Variants in LGR4 observed in about 807,000 individuals in gnomAD.
LGR4 encodes leucine rich repeat containing G protein-coupled receptor 4.
A neutral mutation model predicts 84.8 loss-of-function variants in LGR4; 44 were observed. The observed-to-expected ratio is 0.52, with a 90% CI of 0.41 to 0.67. The LOEUF (loss-of-function observed/expected upper bound fraction) is 0.67. LGR4 is among the 30% of genes least tolerant of loss of function. The pLI, the probability that LGR4 is intolerant of heterozygous loss-of-function variation, is 0.00. For missense variants in LGR4, 1,032 were observed against 1,131.4 expected (o/e 0.91, Z 1.26); for synonymous variants, 429 against 434.3 (o/e 0.99, Z 0.15).
chr11:27,431,850 C>T (rs559757860), intron 1 of LGR4, among the ~76,000 whole-genome samples: 2 of 152,308 alleles, frequency 1.3e-5, no homozygotes, highest in South Asian at 2.1e-4. Flanking sequence ...GTATTAGCTG[C>T]GTGATCTTCC....
intron 2 of LGR4, among the ~76,000 whole-genome samples, chr11:27,404,795 TC>T (rs11345289): frequency 0.44 from 66,480 of 151,912 alleles, 17,415 homozygotes; most frequent in African/African-American, 0.75. Flanking sequence ...AAGGTGTATT[TC>T]CCCACTCTAT....
In LGR4 at chr11:27,406,524, A is replaced by C. The variant is rs1205564499; in HGVS notation, c.257+6265T>G. ...AGAGTTTTATGAGTTAAAATAAAAC[A>C]AAACAATGTTTTCTAGAAGGGCCTA... On this transcript the variant is annotated intron_variant, in intron 2 of 17. Transcript: ENST00000379214. Among the ~76,000 whole-genome samples the C allele has an allele frequency of 2.6e-5, 4 of 152,180 alleles. No homozygotes were observed. The East Asian group carries it at 7.7e-4, about 29-fold the overall frequency.
chr11:27,366,318 A>G lies in LGR4; in HGVS notation c.*1549T>C, dbSNP rs938119552. Reference sequence around the variant, plus strand: ...TTTTATTACACTGACAATGTACAACAAAGACTATTTACAATGCAAAAAGTA... The same window carrying G: ...TTTTATTACACTGACAATGTACAACGAAGACTATTTACAATGCAAAAAGTA... On this transcript the variant is annotated 3_prime_UTR_variant, in exon 18 of 18. Coordinates refer to ENST00000379214, the MANE Select transcript of LGR4 (RefSeq NM_018490.5). The G allele has an allele frequency of 1.3e-5, 2 of 152,582 alleles. No homozygotes were observed. The highest frequency in any genetic ancestry group is 2.9e-5 in the Non-Finnish European group (2 of 67,976). The allele number at this position is 152,582 out of a possible 1,614,324, so 9.5% of individuals were successfully genotyped here.
chr11:27,401,570 C>T (rs1334211152), intron 2 of LGR4, among the ~76,000 whole-genome samples: 1 of 152,124 alleles, frequency 6.6e-6, no homozygotes, highest in African/African-American at 2.4e-5. Flanking sequence ...TGAGTTTTTA[C>T]TACAGGCTAA....
chr11:27,411,771 A>G (rs570840891), intron 2 of LGR4, among the ~76,000 whole-genome samples: 2 of 152,256 alleles, frequency 1.3e-5, no homozygotes, highest in South Asian at 4.1e-4. Flanking sequence ...TTTAACTACT[A>G]TTTCAATATT....
In LGR4 at chr11:27,368,537, T is replaced by C; in HGVS notation, c.2186A>G (p.Tyr729Cys). The C allele has an allele frequency of 1.2e-6, 2 of 1,614,004 alleles. No homozygotes were observed. The highest frequency in any genetic ancestry group is 1.7e-6 in the Non-Finnish European group (2 of 1,179,906). ...LLMAVIYTKL[Y>C]CNLEKEDLSE... ...GAGGTCCTCTTTTTCCAAGTTGCAG[T>C]ATAGTTTAGTGTAGATAACGGCCAT... The change falls in exon 18 of 18, where the codon TAC becomes TGC. Residue 729 changes from tyrosine to cysteine, a missense_variant. Coordinates refer to ENST00000379214, the MANE Select transcript of LGR4 (RefSeq NM_018490.5).
rs566994994 is a variant in LGR4, at chr11:27,397,494, C to G, written c.258-4976G>C. On this transcript the variant is annotated intron_variant, in intron 2 of 17. Transcript: ENST00000379214. ...TATTTGCTATAATGTCTCCGCTAAG[C>G]CCCATTGTAAGACTCTGGATTTGCA... is the stretch of plus-strand genomic sequence containing the variant. 5.9e-5 allele frequency among the ~76,000 whole-genome samples: 9 copies of G among 152,262 alleles called. No individual in the cohort carries two copies. The East Asian group carries it at 1.7e-3, about 29-fold the overall frequency.
chr11:27,454,788 T>A (rs1421029870), intron 1 of LGR4, among the ~76,000 whole-genome samples: 4 of 151,444 alleles, frequency 2.6e-5, no homozygotes, highest in Non-Finnish European at 5.9e-5. Flanking sequence ...GCAAAATTAT[T>A]TGCATTAAAC....
At chr11:27,445,706 G>A (rs138547780) in intron 1 of LGR4, among the ~76,000 whole-genome samples, 216 of 152,066 alleles carry the variant, frequency 1.4e-3, no homozygotes, top group African/African-American at 5.1e-3. Context: ...GTAAGACCTC[G>A]TCTCCACAGA....
chr11:27,379,149 C>G, intron 10 of LGR4: 1 of 202,028 alleles, frequency 4.9e-6, no homozygotes, highest in Non-Finnish European at 9.8e-6. Flanking sequence ...TCTTTTCTTT[C>G]AGTCAAACTG....
intron 2 of LGR4, among the ~76,000 whole-genome samples, chr11:27,405,951 C>G (rs1224586167): frequency 3.3e-5 from 5 of 152,176 alleles, no homozygotes; most frequent in Non-Finnish European, 5.9e-5. Context: ...TCAAGAGTCA[C>G]TCAAGAGTTT....
In LGR4 at chr11:27,392,561, T is replaced by C. The variant is rs377147054; in HGVS notation, c.258-43A>G. 213 of 1,484,788 alleles carry C rather than the reference T, an allele frequency of 1.4e-4. 1 individual carries two copies. Among genetic ancestry groups the C allele is most frequent in the Middle Eastern group, 1.4e-3 (8 of 5,648 alleles). The allele number at this position is 1,484,788 out of a possible 1,614,324, so 92.0% of individuals were successfully genotyped here. ...AAAAGTAGCAAGAAAAAAATAGTAA[T>C]TCAGACTTAAAATTCAGAACTTACA... On this transcript the variant is annotated intron_variant, in intron 2 of 17. Transcript: ENST00000379214.
At chr11:27,377,575 CA>C (rs1287960086) in intron 11 of LGR4, among the ~76,000 whole-genome samples, 9 of 151,768 alleles carry the variant, frequency 5.9e-5, no homozygotes, top group Non-Finnish European at 8.8e-5. Context: ...GGTAAAGCTA[CA>C]TTTTTTTAAA....
intron 1 of LGR4, among the ~76,000 whole-genome samples, chr11:27,454,019 T>C (rs925348814): frequency 2.0e-5 from 3 of 152,246 alleles, no homozygotes; most frequent in Admixed American, 6.5e-5. Context: ...ATCTATTCTC[T>C]TTGAAGCCTG....
intron 1 of LGR4, among the ~76,000 whole-genome samples, chr11:27,458,394 A>G (rs1864612505): frequency 6.6e-6 from 1 of 152,190 alleles, no homozygotes; most frequent in Non-Finnish European, 1.5e-5. Flanking sequence ...GAAATGCTCT[A>G]TATCTTCACA....
chr11:27,410,591 G>C (rs1280304580), intron 2 of LGR4, among the ~76,000 whole-genome samples: 1 of 151,938 alleles, frequency 6.6e-6, no homozygotes, highest in Non-Finnish European at 1.5e-5. Context: ...CAACTACACT[G>C]TTTAATAAGG....
chr11:27,439,742 A>G (rs1025416639), intron 1 of LGR4, among the ~76,000 whole-genome samples: 2 of 151,908 alleles, frequency 1.3e-5, no homozygotes, highest in African/African-American at 4.8e-5. Flanking sequence ...TCTTTTGTCT[A>G]CCTCTCTCTG....
intron 1 of LGR4, among the ~76,000 whole-genome samples, chr11:27,440,658 G>A (rs1864291268): frequency 6.6e-6 from 1 of 152,152 alleles, no homozygotes; most frequent in African/African-American, 2.4e-5. Flanking sequence ...TTCCCACAAA[G>A]ACCCGGAGGC....
chr11:27,393,892 G>A (rs1256440866), intron 2 of LGR4, among the ~76,000 whole-genome samples: 1 of 120,826 alleles, frequency 8.3e-6, no homozygotes, highest in East Asian at 2.9e-4. Flanking sequence ...GCCCTGGGAA[G>A]TGTAATCCTT....
Sources: gnomAD v4.1 joint callset for allele counts (sites outside exome capture counted in the v4.1 genomes callset) on GRCh38, gnomAD v4.1.1 for gene constraint, MANE v1.5 for transcripts, NCBI Gene and HGNC (gene_info 2026-07-23, HGNC 2026-07-21) for gene names.